Variants in ZFHX3 observed in about 807,000 individuals in gnomAD.
ZFHX3 encodes the protein zinc finger homeobox 3, also known as zinc finger homeobox protein 3.
A neutral mutation model predicts 279.1 loss-of-function variants in ZFHX3; 42 were observed. The observed-to-expected ratio is 0.15, with a 90% CI of 0.12 to 0.19. ZFHX3 has a LOEUF of 0.19. ZFHX3 is among the 10% of genes least tolerant of loss of function. The pLI is 1.00. For synonymous variants in ZFHX3, 2,293 were observed against 1,957.8 expected, an observed-to-expected ratio of 1.17 and a Z score of -4.52; for missense variants, 4,981 against 4,754.0, an observed-to-expected ratio of 1.05 and a Z score of -1.40.
chr16:73,380,267 T>C (rs1477469914), intron 3 of ZFHX3, among the ~76,000 whole-genome samples: 1 of 152,122 alleles, frequency 6.6e-6, no homozygotes, highest in Non-Finnish European at 1.5e-5. Flanking sequence ...AAGATTTTAA[T>C]GAAAATAAGA....
chr16:73,265,035 A>T lies in ZFHX3; in HGVS notation c.-1193-7899T>A, dbSNP rs547795265. ...CAGTGCATATATATATATATATATA[A>T]CACCTCAGCGCATATATATAATAGC... is the stretch of plus-strand genomic sequence containing the variant. On this transcript the variant is annotated intron_variant, in intron 4 of 17. Transcript: ENST00000641206. Among the ~76,000 whole-genome samples, 4 of 111,948 alleles carry T rather than the reference A, an allele frequency of 3.6e-5. No individual in the cohort carries two copies. The East Asian group carries it at 1.7e-3, about 47-fold the overall frequency. The allele number at this position is 111,948 out of a possible 152,430, so 73.4% of individuals were successfully genotyped here.
At chr16:73,145,111 C>T (rs1966857478) in intron 5 of ZFHX3, among the ~76,000 whole-genome samples, 1 of 152,216 alleles carries the variant, frequency 6.6e-6, no homozygotes, top group Non-Finnish European at 1.5e-5. Context: ...TGACAGGCTG[C>T]TGATGGACAC....
intron 2 of ZFHX3, among the ~76,000 whole-genome samples, chr16:73,551,598 T>G (rs2020205224): frequency 6.6e-6 from 1 of 152,242 alleles, no homozygotes; most frequent in South Asian, 2.1e-4. Context: ...TGTTTCCTAA[T>G]GCAGTCTGGA....
chr16:72,820,759 T>C (rs1275560319), intron 5 of ZFHX3, among the ~76,000 whole-genome samples: 1 of 152,226 alleles, frequency 6.6e-6, no homozygotes, highest in East Asian at 1.9e-4. Flanking sequence ...CGCTTCCCTG[T>C]GGCTTTATTA....
At chr16:73,058,273 G>A (rs977421123) in intron 1 of ZFHX3, among the ~76,000 whole-genome samples, 9 of 142,506 alleles carry the variant, frequency 6.3e-5, no homozygotes, top group Non-Finnish European at 1.1e-4. Context: ...GCGGGAGGAG[G>A]AGGAAGAAGA....
chr16:73,280,160 T>C (rs1325394093), intron 4 of ZFHX3, among the ~76,000 whole-genome samples: 1 of 152,110 alleles, frequency 6.6e-6, no homozygotes, highest in Non-Finnish European at 1.5e-5. Context: ...CCTGACACCA[T>C]AACACTCTTA....
chr16:73,465,963 G>T (rs1326127419), intron 2 of ZFHX3, among the ~76,000 whole-genome samples: 2 of 151,840 alleles, frequency 1.3e-5, no homozygotes, highest in Admixed American at 1.3e-4. Context: ...CTAAGCCACG[G>T]TTTCTCAAAC....
At chr16:73,422,378 G>A (rs191051885) in intron 3 of ZFHX3, among the ~76,000 whole-genome samples, 1 of 152,242 alleles carries the variant, frequency 6.6e-6, no homozygotes, top group East Asian at 1.9e-4. Context: ...CACCACTCAT[G>A]CTAAACTTAT....
chr16:72,984,055 C>T (rs1962739157), intron 1 of ZFHX3, among the ~76,000 whole-genome samples: 1 of 152,204 alleles, frequency 6.6e-6, no homozygotes, highest in Non-Finnish European at 1.5e-5. Flanking sequence ...TCTCATACAC[C>T]TGCAGCCTTC....
At chr16:73,464,117 A>G (rs1368618110) in intron 2 of ZFHX3, among the ~76,000 whole-genome samples, 1 of 152,138 alleles carries the variant, frequency 6.6e-6, no homozygotes, top group Non-Finnish European at 1.5e-5. Flanking sequence ...AAAAGCCATC[A>G]AATATTACTG....
intron 5 of ZFHX3, among the ~76,000 whole-genome samples, chr16:73,209,530 C>T (rs940384480): frequency 2.0e-5 from 3 of 152,198 alleles, no homozygotes; most frequent in Non-Finnish European, 4.4e-5. Flanking sequence ...AAACCCACTT[C>T]CACAAGCCCT....
chr16:72,860,169 A>G (rs1374654698), intron 4 of ZFHX3, among the ~76,000 whole-genome samples: 1 of 151,898 alleles, frequency 6.6e-6, no homozygotes, highest in Non-Finnish European at 1.5e-5. Context: ...ATCTAGAAAA[A>G]CGGCTTTCTG....
chr16:73,703,830 T>C (rs1304816525), intron 1 of ZFHX3, among the ~76,000 whole-genome samples: 4 of 152,168 alleles, frequency 2.6e-5, no homozygotes, highest in Admixed American at 6.5e-5. Flanking sequence ...TGGTACGTTT[T>C]TGAGGGATCC....
In ZFHX3 at chr16:73,401,057, T is replaced by C. The variant is rs562428702; in HGVS notation, c.-1291+54946A>G. Reference sequence around the variant, plus strand: ...AGGGCGGAACTGGGATTTTTTTTTCTTTCTTTGAATTTTGCATAAAATTCC... The same window carrying C: ...AGGGCGGAACTGGGATTTTTTTTTCCTTCTTTGAATTTTGCATAAAATTCC... On this transcript the variant is annotated intron_variant, in intron 3 of 17. Coordinates refer to the ZFHX3 transcript ENST00000641206. 1.3e-3 allele frequency: 196 copies of C among 152,156 alleles called. 1 individual carries two copies. Among genetic ancestry groups the C allele is most frequent in the African/African-American group, 4.6e-3 (189 of 41,510 alleles). 9.4% of individuals were successfully genotyped at this position (152,156 alleles called of 1,614,324 possible).
chr16:73,030,759 G>A (rs1423226448), intron 1 of ZFHX3, among the ~76,000 whole-genome samples: 1 of 152,200 alleles, frequency 6.6e-6, no homozygotes, highest in Non-Finnish European at 1.5e-5. Context: ...TGCAAAGAAG[G>A]CTAATATGAT....
At chr16:73,134,513 T>C (rs1966753782) in intron 6 of ZFHX3, 1 of 151,672 alleles carries the variant, frequency 6.6e-6, no homozygotes, top group Non-Finnish European at 1.5e-5. Flanking sequence ...CATTTTTTTT[T>C]TTTTAGATAT....
intron 2 of ZFHX3, among the ~76,000 whole-genome samples, chr16:73,488,322 C>T (rs547930833): frequency 1.3e-5 from 2 of 152,206 alleles, no homozygotes; most frequent in South Asian, 2.1e-4. Flanking sequence ...GAGGGACAGC[C>T]TACTATAGTG....
intron 1 of ZFHX3, among the ~76,000 whole-genome samples, chr16:73,053,466 C>T (rs1323797419): frequency 1.3e-5 from 2 of 151,766 alleles, no homozygotes. Flanking sequence ...GTCGTCATTA[C>T]AAGGTTTTTC....
chr16:72,889,266 A>T (rs771447707), intron 4 of ZFHX3, among the ~76,000 whole-genome samples: 2 of 152,130 alleles, frequency 1.3e-5, no homozygotes, highest in African/African-American at 2.4e-5. Flanking sequence ...AGTTTTACAG[A>T]CCAGACTTTG....
Sources: gnomAD v4.1 joint callset for allele counts (sites outside exome capture counted in the v4.1 genomes callset) on GRCh38, gnomAD v4.1.1 for gene constraint, MANE v1.5 for transcripts, NCBI Gene and HGNC (gene_info 2026-07-23, HGNC 2026-07-21) for gene names.